UBE2H: variants seen among roughly 807,000 people sequenced by gnomAD.
UBE2H encodes ubiquitin-conjugating enzyme E2 H.
Under a neutral mutation model 29.0 loss-of-function variants are expected in UBE2H, and 3 were observed. That is an observed-to-expected ratio of 0.10 (90% CI 0.05 to 0.27). UBE2H has a LOEUF of 0.27. Ranked by LOEUF, UBE2H falls within the 10% of genes least tolerant of loss-of-function variation. The pLI is 1.00. For synonymous variants in UBE2H, 69 were observed against 82.9 expected (o/e 0.83, Z 0.91); for missense variants, 68 against 228.2 (o/e 0.30, Z 4.52).
chr7:129,897,910 T>C (rs1331001997), intron 1 of UBE2H, among the ~76,000 whole-genome samples: 3 of 152,160 alleles, frequency 2.0e-5, no homozygotes, highest in African/African-American at 7.2e-5. Flanking sequence ...TATTTGATAA[T>C]ACGTTCAAAT....
intron 3 of UBE2H, among the ~76,000 whole-genome samples, chr7:129,879,086 G>T (rs1013848174): frequency 1.2e-4 from 19 of 152,242 alleles, no homozygotes; most frequent in African/African-American, 3.9e-4. Context: ...TGTTTAGGGG[G>T]CTAAAGAGAC....
chr7:129,900,144 T>C (rs1056504191), intron 1 of UBE2H, among the ~76,000 whole-genome samples: 1 of 150,918 alleles, frequency 6.6e-6, no homozygotes, highest in Non-Finnish European at 1.5e-5. Flanking sequence ...AAAAAAAAAA[T>C]TAAAATAATA....
intron 1 of UBE2H, among the ~76,000 whole-genome samples, chr7:129,945,829 C>T (rs1409490196): frequency 6.6e-6 from 1 of 152,138 alleles, no homozygotes; most frequent in Non-Finnish European, 1.5e-5. Context: ...CAACCTCCAC[C>T]TCCCAGGTTC....
intron 1 of UBE2H, among the ~76,000 whole-genome samples, chr7:129,918,200 T>C (rs1807082016): frequency 6.6e-6 from 1 of 152,178 alleles, no homozygotes; most frequent in Admixed American, 6.5e-5. Flanking sequence ...ATCACCTTTA[T>C]ATATACATGC....
chr7:129,931,835 G>GC (rs1807407413), intron 1 of UBE2H, among the ~76,000 whole-genome samples: 1 of 139,146 alleles, frequency 7.2e-6, no homozygotes, highest in East Asian at 2.2e-4. Flanking sequence ...GTTCTACTTT[G>GC]CTTTTTTTTT....
At chr7:129,880,303 G>A (rs1485865179) in intron 2 of UBE2H, among the ~76,000 whole-genome samples, 1 of 151,994 alleles carries the variant, frequency 6.6e-6, no homozygotes, top group East Asian at 1.9e-4. Context: ...GGTCAGGAGT[G>A]CGAGACCAGC....
At chr7:129,911,189 C>A (rs896610045) in intron 1 of UBE2H, among the ~76,000 whole-genome samples, 1 of 151,868 alleles carries the variant, frequency 6.6e-6, no homozygotes, top group African/African-American at 2.4e-5. Flanking sequence ...ACGGTGGAAC[C>A]CTGTCTCTAC....
chr7:129,900,355 A>G (rs1238827159), intron 1 of UBE2H, among the ~76,000 whole-genome samples: 1 of 152,220 alleles, frequency 6.6e-6, no homozygotes, highest in Non-Finnish European at 1.5e-5. Flanking sequence ...CCAATTTGCT[A>G]AAAGCCATAG....
In UBE2H at chr7:129,942,138, G is replaced by A. The variant is rs149061160; in HGVS notation, c.53+10365C>T. The stretch of plus-strand genomic sequence containing the variant: ...AGCAGGAGGATTGAGTTCAGAATCC[G>A]GAAGTTCGAGGCTGCAGTGAGCTGT... On this transcript the variant is annotated intron_variant, in intron 1 of 6. Coordinates refer to ENST00000355621, the MANE Select transcript of UBE2H (RefSeq NM_003344.4). 4.2e-3 allele frequency among the ~76,000 whole-genome samples: 613 copies of A among 146,876 alleles called. 4 individuals carry two copies. The highest frequency in any genetic ancestry group is 6.3e-3 in the Non-Finnish European group (423 of 67,090).
intron 1 of UBE2H, among the ~76,000 whole-genome samples, chr7:129,897,002 T>C (rs556421094): frequency 6.6e-6 from 1 of 152,294 alleles, no homozygotes; most frequent in South Asian, 2.1e-4. Flanking sequence ...GTGTGAATAA[T>C]GGATCATAAA....
chr7:129,905,305 T>C (rs760327463), intron 1 of UBE2H, among the ~76,000 whole-genome samples: 1 of 152,028 alleles, frequency 6.6e-6, no homozygotes, highest in Admixed American at 6.6e-5. Flanking sequence ...TACGATGAGA[T>C]GGTGGTATCA....
rs1473451530 is a variant in UBE2H, at chr7:129,867,724, C to CAAAAAAAAAAAAAAA, written c.206-8798_206-8784dup. On this transcript the variant is annotated intron_variant, in intron 3 of 6. Coordinates refer to ENST00000355621, the MANE Select transcript of UBE2H (RefSeq NM_003344.4). ...TAAAAAAAAAAAAAAAAAAGAAAACCAAAAAAAAAAAAAAAAAAGAAGACC... is the reference window on the plus strand; with the variant it reads ...TAAAAAAAAAAAAAAAAAAGAAAACCAAAAAAAAAAAAAAAAAAAAAAAAAAAAAAAAAGAAGACC... Among the ~76,000 whole-genome samples the CAAAAAAAAAAAAAAA allele has an allele frequency of 5.4e-4, 17 of 31,204 alleles. 1 individual carries two copies. The highest frequency in any genetic ancestry group is 9.3e-4 in the East Asian group (1 of 1,072). 20.5% of individuals were successfully genotyped at this position (31,204 alleles called of 152,430 possible).
At chr7:129,840,151 G>C (rs1805402114) in intron 5 of UBE2H, among the ~76,000 whole-genome samples, 2 of 152,084 alleles carry the variant, frequency 1.3e-5, no homozygotes, top group Admixed American at 6.6e-5. Context: ...ATATTCATAA[G>C]ACAGATAAGC....
chr7:129,852,850 C>T (rs896173682), intron 5 of UBE2H, among the ~76,000 whole-genome samples: 1 of 152,020 alleles, frequency 6.6e-6, no homozygotes, highest in African/African-American at 2.4e-5. Flanking sequence ...CTCAGCTGTC[C>T]GAGTAGCTGG....
intron 3 of UBE2H, among the ~76,000 whole-genome samples, chr7:129,873,066 C>T (rs1310737399): frequency 1.3e-5 from 2 of 150,286 alleles, no homozygotes; most frequent in African/African-American, 4.9e-5. Context: ...GTTGCCCAGG[C>T]TGGAGTGCCG....
chr7:129,926,820 T>A (rs186133738), intron 1 of UBE2H, among the ~76,000 whole-genome samples: 5 of 152,260 alleles, frequency 3.3e-5, no homozygotes, highest in Admixed American at 2.6e-4. Context: ...GAGTGTCAGA[T>A]CATAAAAAGC....
chr7:129,885,322 C>T (rs1299021098), intron 1 of UBE2H, among the ~76,000 whole-genome samples: 1 of 152,060 alleles, frequency 6.6e-6, no homozygotes, highest in Non-Finnish European at 1.5e-5. Context: ...CATAAAAATC[C>T]ACAGATGCAG....
chr7:129,945,175 T>G (rs1301287952), intron 1 of UBE2H, among the ~76,000 whole-genome samples: 1 of 152,192 alleles, frequency 6.6e-6, no homozygotes, highest in Non-Finnish European at 1.5e-5. Flanking sequence ...ATGTCTCCTC[T>G]CTTGATAAGG....
intron 3 of UBE2H, among the ~76,000 whole-genome samples, chr7:129,866,571 A>C (rs541495788): frequency 6.6e-6 from 1 of 152,308 alleles, no homozygotes; most frequent in South Asian, 2.1e-4. Flanking sequence ...ACAAGACCCA[A>C]CTACAATTCT....
Sources: gnomAD v4.1 joint callset for allele counts (sites outside exome capture counted in the v4.1 genomes callset) on GRCh38, gnomAD v4.1.1 for gene constraint, MANE v1.5 for transcripts, NCBI Gene and HGNC (gene_info 2026-07-23, HGNC 2026-07-21) for gene names.